Variants in ARHGAP22 observed in about 807,000 individuals in gnomAD.
ARHGAP22 encodes Rho GTPase activating protein 22.
A neutral mutation model predicts 59.1 loss-of-function variants in ARHGAP22; 48 were observed. The ratio of observed to expected loss-of-function variants is 0.81; its 90% confidence interval spans 0.64 to 1.03. ARHGAP22 has a LOEUF of 1.03. Among genes scored for constraint, ARHGAP22 ranks in the 50% least tolerant of loss-of-function variants. The pLI, the probability that ARHGAP22 is intolerant of heterozygous loss-of-function variation, is 0.00. For synonymous variants in ARHGAP22, 445 were observed against 416.4 expected (o/e 1.07, Z -0.84); for missense variants, 1,015 against 958.7 (o/e 1.06, Z -0.78).
At chr10:48,563,011 C>A (rs562561470) in intron 2 of ARHGAP22, among the ~76,000 whole-genome samples, 122 of 152,132 alleles carry the variant, frequency 8.0e-4, no homozygotes, top group African/African-American at 2.8e-3. Context: ...AGCTCTAGGG[C>A]AGGATCTGTT....
chr10:48,471,776 G>T (rs1406457442), intron 4 of ARHGAP22, among the ~76,000 whole-genome samples: 1 of 152,144 alleles, frequency 6.6e-6, no homozygotes, highest in Admixed American at 6.5e-5. Flanking sequence ...CCCTTCTCTT[G>T]CCTGGATTAT....
At chr10:48,635,335 T>C (rs2136119073) in intron 1 of ARHGAP22, among the ~76,000 whole-genome samples, 1 of 152,320 alleles carries the variant, frequency 6.6e-6, no homozygotes, top group African/African-American at 2.4e-5. Context: ...GCCTGGGGTT[T>C]AGGTTATAGC....
In ARHGAP22 at chr10:48,579,080, T is replaced by G. The variant is rs191782750; in HGVS notation, c.234+3873A>C. 1.3e-3 allele frequency among the ~76,000 whole-genome samples: 189 copies of G among 150,238 alleles called. 2 individuals carry two copies. The highest frequency in any genetic ancestry group is 2.0e-3 in the Admixed American group (30 of 14,972). ...GCCATCTTATTTATTAGTTTTTTAC[T>G]TGTCTTTCTTTCTTGTTTTTTATTT... is the stretch of plus-strand genomic sequence containing the variant. On this transcript the variant is annotated intron_variant, in intron 2 of 9. Transcript: ENST00000249601.
At chr10:48,618,039 A>G (rs2061149799) in intron 1 of ARHGAP22, among the ~76,000 whole-genome samples, 1 of 152,100 alleles carries the variant, frequency 6.6e-6, no homozygotes. Flanking sequence ...AATGATCATT[A>G]GAGATTAATG....
chr10:48,539,878 A>C (rs115995044), intron 3 of ARHGAP22, among the ~76,000 whole-genome samples: 423 of 152,360 alleles, frequency 2.8e-3, no homozygotes, highest in African/African-American at 9.6e-3. Flanking sequence ...ACTTATAATA[A>C]ATTTTTTAAT....
At chr10:48,652,187 A>G (rs190219020) in intron 1 of ARHGAP22, 1,105 of 1,506,708 alleles carry the variant, frequency 7.3e-4, no homozygotes, top group Non-Finnish European at 9.2e-4. Flanking sequence ...CAAGAAGTCA[A>G]ATGCAAAGGT....
chr10:48,650,229 A>G (rs534949627), intron 1 of ARHGAP22, among the ~76,000 whole-genome samples: 1 of 142,200 alleles, frequency 7.0e-6, no homozygotes, highest in African/African-American at 2.6e-5. Context: ...AGTGTTTGAG[A>G]TTAGGTAATC....
At chr10:48,552,222 C>T (rs1488088219) in intron 3 of ARHGAP22, among the ~76,000 whole-genome samples, 1 of 152,268 alleles carries the variant, frequency 6.6e-6, no homozygotes, top group Non-Finnish European at 1.5e-5. Context: ...CTTGGGGGTG[C>T]TGGTTGGAGA....
At chr10:48,514,987 T>C (rs2053148521) in intron 3 of ARHGAP22, among the ~76,000 whole-genome samples, 1 of 152,024 alleles carries the variant, frequency 6.6e-6, no homozygotes, top group Admixed American at 6.6e-5. Flanking sequence ...TGCTGGAAAA[T>C]TTCTATCTAA....
At chr10:48,516,965 G>T (rs1589880365) in intron 3 of ARHGAP22, among the ~76,000 whole-genome samples, 1 of 152,176 alleles carries the variant, frequency 6.6e-6, no homozygotes, top group East Asian at 1.9e-4. Flanking sequence ...GATGAACCTT[G>T]AAAACATTAT....
intron 3 of ARHGAP22, among the ~76,000 whole-genome samples, chr10:48,539,355 G>A (rs1354809398): frequency 6.9e-6 from 1 of 144,934 alleles, no homozygotes; most frequent in Non-Finnish European, 1.5e-5. Flanking sequence ...GCAGTGGCGC[G>A]ATCTCGGCTC....
intron 2 of ARHGAP22, among the ~76,000 whole-genome samples, chr10:48,580,260 C>G (rs2059024631): frequency 6.6e-6 from 1 of 152,152 alleles, no homozygotes; most frequent in African/African-American, 2.4e-5. Flanking sequence ...TTATTAGTTG[C>G]TTCCACCAGA....
chr10:48,649,294 C>G lies in ARHGAP22; in HGVS notation c.52+2940G>C, dbSNP rs553034123. 2.0e-5 allele frequency among the ~76,000 whole-genome samples: 3 copies of G among 152,222 alleles called. No individual in the cohort carries two copies. The South Asian group carries it at 6.2e-4, about 32-fold the overall frequency. ...CACAATCCCCTTACATCTCTGCCAG[C>G]AGTGGGGGAGAGAGTCTGCTCTGGG... On this transcript the variant is annotated intron_variant, in intron 1 of 9. Coordinates refer to the ARHGAP22 transcript ENST00000435790.
intron 3 of ARHGAP22, among the ~76,000 whole-genome samples, chr10:48,538,082 T>C (rs1184799716): frequency 6.6e-6 from 1 of 152,184 alleles, no homozygotes. Context: ...GAAACTTCTT[T>C]GGTTAGAGTT....
At chr10:48,648,525 A>G (rs1469945070) in intron 1 of ARHGAP22, among the ~76,000 whole-genome samples, 1 of 152,174 alleles carries the variant, frequency 6.6e-6, no homozygotes, top group African/African-American at 2.4e-5. Context: ...TTAAGTCACT[A>G]TGATTAACAG....
chr10:48,533,153 A>G (rs903511473), intron 3 of ARHGAP22, among the ~76,000 whole-genome samples: 4 of 147,212 alleles, frequency 2.7e-5, no homozygotes, highest in African/African-American at 5.0e-5. Context: ...TGCTGTTGCT[A>G]TTCATTTTGC....
intron 8 of ARHGAP22, among the ~76,000 whole-genome samples, chr10:48,452,157 G>C (rs896068861): frequency 1.3e-5 from 2 of 152,174 alleles, no homozygotes; most frequent in East Asian, 3.9e-4. Flanking sequence ...CTACGGTGGT[G>C]GGGTGGGGGC....
chr10:48,622,337 C>T (rs1294102717), intron 1 of ARHGAP22, among the ~76,000 whole-genome samples: 1 of 151,852 alleles, frequency 6.6e-6, no homozygotes, highest in Non-Finnish European at 1.5e-5. Flanking sequence ...TTGGGGATTA[C>T]ATCTTCTTTT....
At chr10:48,478,201 C>G (rs1233572282) in intron 4 of ARHGAP22, among the ~76,000 whole-genome samples, 1 of 152,190 alleles carries the variant, frequency 6.6e-6, no homozygotes, top group Non-Finnish European at 1.5e-5. Context: ...CTGCAGAAAT[C>G]CCTGGGTGGG....
Sources: allele counts gnomAD v4.1 joint callset (sites outside exome capture counted in the v4.1 genomes callset), GRCh38; gene constraint gnomAD v4.1.1; transcripts MANE v1.5; gene names NCBI Gene and HGNC (gene_info 2026-07-23, HGNC 2026-07-21).